The following EPS8L2 variants were observed in gnomAD, a reference collection of about 807,000 sequenced individuals.
EPS8L2 encodes EPS8 signaling adaptor L2, also known as epidermal growth factor receptor kinase substrate 8-like protein 2.
A neutral mutation model predicts 99.4 loss-of-function variants in EPS8L2; 81 were observed. The ratio of observed to expected loss-of-function variants is 0.82; its 90% CI spans 0.68 to 0.98. The LOEUF (loss-of-function observed/expected upper bound fraction) is 0.98, where lower values mean the gene tolerates loss of function less well. EPS8L2 is among the 50% of genes least tolerant of loss of function. The pLI is 0.00. For synonymous variants in EPS8L2, 509 were observed against 407.3 expected, an observed-to-expected ratio of 1.25 and a Z score of -3.01; for missense variants, 1,155 against 968.8, an observed-to-expected ratio of 1.19 and a Z score of -2.55.
chr11:721,836 G>T, intron 10 of EPS8L2, 67 bp from the exon 11 acceptor site: 6 of 1,533,334 alleles, frequency 3.9e-6, no homozygotes, highest in Non-Finnish European at 5.3e-6. Flanking sequence ...TGGGCTGCGT[G>T]GGACAGAAGG....
In EPS8L2 at chr11:713,997, G is replaced by A. The variant is rs918195136; in HGVS notation, c.165+3511G>A. ...AGGTGATCCACCTGCCTCCCAAAGTGCTGGGATGACGGACTGAGTCACTGC... is the reference window on the plus strand; with the variant it reads ...AGGTGATCCACCTGCCTCCCAAAGTACTGGGATGACGGACTGAGTCACTGC... On this transcript the variant is annotated intron_variant, in intron 4 of 20. Transcript: ENST00000318562. 2.0e-5 allele frequency among the ~76,000 whole-genome samples: 3 copies of A among 152,194 alleles called. No homozygotes were observed. In the East Asian group the frequency reaches 5.8e-4, roughly 29 times the overall value.
chr11:720,978 G>GCCGGCAGGGGCGGGGAGGAGC, intron 7 of EPS8L2, 69 bp downstream of exon 7: 7 of 1,097,654 alleles, frequency 6.4e-6, no homozygotes, highest in Middle Eastern at 2.9e-4. Flanking sequence ...GAGGGGAGGA[G>GCCGGCAGGGGCGGGGAGGAGC]CCGGCAGGGG....
At chr11:723,494 C>T (rs1400337609) in intron 15 of EPS8L2, 141 bp downstream of exon 15, 5 of 441,462 alleles carry the variant, frequency 1.1e-5, no homozygotes, top group South Asian at 6.1e-5. Flanking sequence ...AGATTTGAAG[C>T]GGTTTTCATT....
chr11:714,520 C>T (rs576251135), intron 4 of EPS8L2, among the ~76,000 whole-genome samples: 171 of 151,844 alleles, frequency 1.1e-3, no homozygotes, highest in Non-Finnish European at 1.4e-3. Context: ...CGTGAGCCGC[C>T]GCGCTGGGCC....
chr11:712,187 G>A (rs1861910368), intron 4 of EPS8L2, among the ~76,000 whole-genome samples: 1 of 151,750 alleles, frequency 6.6e-6, no homozygotes, highest in Non-Finnish European at 1.5e-5. Flanking sequence ...TTGGGAAGCT[G>A]AGACAGGAGA....
intron 4 of EPS8L2, among the ~76,000 whole-genome samples, chr11:715,772 C>A (rs928639173): frequency 1.3e-5 from 2 of 150,938 alleles, no homozygotes; most frequent in Non-Finnish European, 3.0e-5. Context: ...AGGTGCCCAC[C>A]ACCACGCCCA....
rs1404984166 is a variant in EPS8L2 at position 726,971 on chromosome 11, A to C, written c.2138A>C (p.Glu713Ala). 2 of 1,612,446 alleles carry C rather than the reference A, an allele frequency of 1.2e-6. No individual in the cohort carries two copies. Among genetic ancestry groups the C allele is most frequent in the Non-Finnish European group, 1.7e-6 (2 of 1,179,412 alleles). ...KFHSMNQRRGEDS is the reference protein window; with the variant it reads ...KFHSMNQRRGADS ...CATTCCATGAATCAGAGGAGGGGGG[A>C]GGACAGCTAGGCCCAGCTGCCTTGG... is the stretch of plus-strand genomic sequence containing the variant. Residue 713 changes from glutamate (E) to alanine (A), a missense_variant, in exon 21 of 21, where the codon GAG (glutamate) becomes GCG (alanine). Physicochemically the swap from Glu to Ala is moderately radical, Grantham distance 107. Coordinates refer to ENST00000318562, the MANE Select transcript of EPS8L2 (RefSeq NM_022772.4).
In EPS8L2 at chr11:727,156, C is replaced by A; in HGVS notation, c.*175C>A. On this transcript the variant is annotated 3_prime_UTR_variant, in exon 21 of 21. Transcript: ENST00000318562. ...GCCCATCCTTAGGCCAAACAGTACC[C>A]AAGGCCTCAGCCCACACCAAGACTA... 1 of 581,262 alleles carries A rather than the reference C, an allele frequency of 1.7e-6. No homozygotes were observed. Among genetic ancestry groups the A allele is most frequent in the Non-Finnish European group, 3.1e-6 (1 of 326,420 alleles). The allele number at this position is 581,262 out of a possible 1,614,324, so 36.0% of individuals were successfully genotyped here. A position where few individuals can be genotyped will look rare whatever the true frequency, so the allele number is the denominator to read the frequency against.
Position 726,437 on chromosome 11 carries a change from T to C in EPS8L2, c.1887T>C (p.Gly629=), listed in dbSNP as rs373860629. 17 of 1,594,268 alleles carry C rather than the reference T, an allele frequency of 1.1e-5. 1 individual carries two copies. In the South Asian group the frequency reaches 1.9e-4, roughly 18 times the overall value. The change falls in exon 19 of 21, where the codon GGT becomes GGC. Residue 629 remains glycine, a synonymous_variant. Coordinates refer to ENST00000318562, the MANE Select transcript of EPS8L2 (RefSeq NM_022772.4). ...GCCAGCCGCTCACCTACGAGTCGGG[T>C]CCGGACGAGGTCCGCGCCTGGCTGG... is the stretch of plus-strand genomic sequence containing the variant. ...PVSQPLTYES[G]PDEVRAWLEA... is the part of the protein sequence containing the mutation.
At position 722,815 on chromosome 11, in the gene EPS8L2, C is replaced by G. The variant is rs761445522; in HGVS notation, c.1341+10C>G. 4.6e-6 allele frequency: 7 copies of G among 1,531,610 alleles called. 1 individual carries two copies. The South Asian group carries it at 6.1e-5, about 13-fold the overall frequency. The allele number at this position is 1,531,610 out of a possible 1,614,324, so 94.9% of individuals were successfully genotyped here. Reference sequence around the variant, plus strand: ...TGCCCCCATCGAGGAGGTGAGAGCACCAGCAGCCCCCATCCCTACCCCAGC... The same window carrying G: ...TGCCCCCATCGAGGAGGTGAGAGCAGCAGCAGCCCCCATCCCTACCCCAGC... On this transcript the variant is annotated intron_variant, in intron 14 of 20. Transcript: ENST00000318562.
At chr11:720,574 G>T in intron 5 of EPS8L2, 23 bp from the exon 6 acceptor site, 1 of 1,588,916 alleles carries the variant, frequency 6.3e-7, no homozygotes, top group Non-Finnish European at 8.5e-7. Flanking sequence ...GGTGCGAGTC[G>T]TGTCCGCGCG....
chr11:723,117 AG>A, intron 14 of EPS8L2, 123 bp from the exon 15 acceptor site: 1 of 610,026 alleles, frequency 1.6e-6, no homozygotes, highest in Non-Finnish European at 2.9e-6. Flanking sequence ...ACCGGGCATC[AG>A]GCTCCATCAC....
At chr11:720,978 G>GCCCGGCAGGGAGGGAGGAGAGGAGC (rs5789193) in intron 7 of EPS8L2, 69 bp downstream of exon 7, 1 of 1,043,740 alleles carries the variant, frequency 9.6e-7, no homozygotes, top group Non-Finnish European at 1.3e-6. Context: ...GAGGGGAGGA[G>GCCCGGCAGGGAGGGAGGAGAGGAGC]CCGGCAGGGG....
At chr11:717,833 C>T (rs1468972724) in intron 4 of EPS8L2, among the ~76,000 whole-genome samples, 1 of 150,098 alleles carries the variant, frequency 6.7e-6, no homozygotes, top group African/African-American at 2.5e-5. Context: ...TATGGTGAAA[C>T]CCCATCTCTA....
chr11:716,131 CCTGG>C (rs1223448197), intron 4 of EPS8L2, among the ~76,000 whole-genome samples: 29 of 150,890 alleles, frequency 1.9e-4, no homozygotes, highest in African/African-American at 6.6e-4. Context: ...CACCACCATG[CCTGG>C]CTAATTTTTG....
Position 722,166 on chromosome 11 carries a change from G to C in EPS8L2, c.1059+1G>C. 6.2e-7 allele frequency: 1 copy of C among 1,612,058 alleles called. No homozygotes were observed. The highest frequency in any genetic ancestry group is 1.1e-5 in the South Asian group (1 of 90,990). On this transcript the variant is annotated splice_donor_variant, in intron 12 of 20. Transcript: ENST00000318562. LOFTEE classifies it high-confidence loss of function. ...CTTCCTCTTCGGGCCTCTGGACCTG[G>C]TGCCTGGGGCCGGGCGGCAGGGGCG...
rs987024469 is a variant in EPS8L2 at position 721,430 on chromosome 11, G to A, written c.768+78G>A. 5.3e-6 allele frequency: 8 copies of A among 1,500,710 alleles called. No homozygotes were observed. The South Asian group carries it at 6.4e-5, about 12-fold the overall frequency. The allele number at this position is 1,500,710 out of a possible 1,614,324, so 93.0% of individuals were successfully genotyped here. Reference sequence around the variant, plus strand: ...GACACTGGTCCTTGCTGTCCCTCCGGCCAGTCCCCAGCCTGTGGCTGCCCC... The same window carrying A: ...GACACTGGTCCTTGCTGTCCCTCCGACCAGTCCCCAGCCTGTGGCTGCCCC... On this transcript the variant is annotated intron_variant, in intron 9 of 20. Coordinates refer to ENST00000318562, the MANE Select transcript of EPS8L2 (RefSeq NM_022772.4).
intron 4 of EPS8L2, among the ~76,000 whole-genome samples, chr11:717,659 G>A (rs931159878): frequency 3.3e-5 from 5 of 151,468 alleles, no homozygotes; most frequent in Non-Finnish European, 4.4e-5. Flanking sequence ...CAGGAGGATC[G>A]CTTCAGCCCA....
chr11:721,175 C>A lies in EPS8L2; in HGVS notation c.669C>A (p.Arg223=). 1.3e-6 allele frequency: 2 copies of A among 1,534,248 alleles called. No individual in the cohort carries two copies. The highest frequency in any genetic ancestry group is 1.2e-5 in the South Asian group (1 of 83,508). Residue 223 remains arginine (R), a synonymous_variant, in exon 8 of 21, where the codon CGC becomes CGA. Transcript: ENST00000318562. The part of the protein sequence containing the change: ...RGGDSPEAKN[R]VGPQVPLSEP... Reference sequence around the variant, plus strand: ...GGGATTCCCCGGAGGCCAAGAATCGCGTGGGCCCGCAGGTGCCACTCAGCG... The same window carrying A: ...GGGATTCCCCGGAGGCCAAGAATCGAGTGGGCCCGCAGGTGCCACTCAGCG...
Sources: gnomAD v4.1 joint callset for allele counts (sites outside exome capture counted in the v4.1 genomes callset) on GRCh38, gnomAD v4.1.1 for gene constraint, MANE v1.5 for transcripts, NCBI Gene and HGNC (gene_info 2026-07-23, HGNC 2026-07-21) for gene names.